The following CACNG5 variants were observed in gnomAD, a reference collection of about 807,000 sequenced individuals.
CACNG5 encodes the protein calcium voltage-gated channel auxiliary subunit gamma 5.
In CACNG5, 18 loss-of-function variants were observed where a neutral mutation model predicts 24.8. That is an observed-to-expected ratio of 0.73 (90% CI 0.50 to 1.08). CACNG5 has a LOEUF of 1.08. CACNG5 is among the 50% of genes least tolerant of loss of function. The probability of loss-of-function intolerance (pLI) is 0.00; values close to 1 mark genes in which losing one functional copy is unlikely to be tolerated. For missense variants in CACNG5, 349 were observed against 367.9 expected (o/e 0.95, Z 0.42); for synonymous variants, 157 against 149.1 (o/e 1.05, Z -0.39).
intron 3 of CACNG5, among the ~76,000 whole-genome samples, chr17:66,879,649 A>C (rs971165683): frequency 1.3e-4 from 20 of 152,250 alleles, no homozygotes; most frequent in African/African-American, 4.3e-4. Context: ...AGATGAAGAG[A>C]CACATAGGGC....
In CACNG5 at chr17:66,861,421, A is replaced by G. The variant is rs528221346; in HGVS notation, c.-103-15809A>G. Among the ~76,000 whole-genome samples the G allele has an allele frequency of 2.6e-5, 4 of 152,352 alleles. No individual in the cohort carries two copies. The East Asian group carries it at 7.7e-4, about 29-fold the overall frequency. On this transcript the variant is annotated intron_variant, in intron 1 of 5. Transcript: ENST00000533854. Reference sequence around the variant, plus strand: ...TGCCATTGTTATCCCTGTTTTAATCATAGTGCCTACTGCAAAGCGTTGTTG... The same window carrying G: ...TGCCATTGTTATCCCTGTTTTAATCGTAGTGCCTACTGCAAAGCGTTGTTG...
chr17:66,839,864 G>A lies in CACNG5; in HGVS notation c.-104+4614G>A, dbSNP rs77738896. Among the ~76,000 whole-genome samples the A allele has an allele frequency of 7.0e-3, 1,066 of 152,292 alleles. 15 individuals carry two copies. The highest frequency in any genetic ancestry group is 0.024 in the African/African-American group (1,009 of 41,556). ...TGCACTGAAGTCCTGTCGGGTAAGT[G>A]TTATTCCTTTTCTTGATTGCTCAAC... is the stretch of plus-strand genomic sequence containing the variant. On this transcript the variant is annotated intron_variant, in intron 1 of 5. Coordinates refer to ENST00000533854, the MANE Select transcript of CACNG5 (RefSeq NM_145811.3).
At chr17:66,849,417 T>C (rs117252662) in intron 1 of CACNG5, among the ~76,000 whole-genome samples, 1,667 of 152,220 alleles carry the variant, frequency 0.011, 12 homozygotes, top group Non-Finnish European at 0.017. Context: ...AAGGCAGCAG[T>C]GTTCCCACCC....
At chr17:66,873,559 A>G (rs1223718260) in intron 1 of CACNG5, among the ~76,000 whole-genome samples, 1 of 152,228 alleles carries the variant, frequency 6.6e-6, no homozygotes, top group East Asian at 1.9e-4. Context: ...AGCTTCGACC[A>G]GGCAACAGCA....
intron 1 of CACNG5, among the ~76,000 whole-genome samples, chr17:66,869,114 C>T (rs1158930993): frequency 1.3e-5 from 2 of 152,016 alleles, no homozygotes; most frequent in African/African-American, 2.4e-5. Flanking sequence ...GATGGAGTCT[C>T]GCTCTGTCAT....
intron 1 of CACNG5, among the ~76,000 whole-genome samples, chr17:66,863,558 G>T (rs1330375170): frequency 1.3e-5 from 2 of 152,054 alleles, no homozygotes; most frequent in Non-Finnish European, 2.9e-5. Flanking sequence ...GTAGAGTCAA[G>T]GTTTCACCAT....
At chr17:66,848,563 T>A (rs887242448) in intron 1 of CACNG5, among the ~76,000 whole-genome samples, 1 of 152,226 alleles carries the variant, frequency 6.6e-6, no homozygotes, top group Non-Finnish European at 1.5e-5. Flanking sequence ...GACTAAAGTG[T>A]TACTGGCTGA....
chr17:66,875,793 G>T lies in CACNG5; in HGVS notation c.-103-1437G>T, dbSNP rs1458016092. 1.3e-5 allele frequency among the ~76,000 whole-genome samples: 2 copies of T among 152,192 alleles called. 1 individual carries two copies. The highest frequency in any genetic ancestry group is 2.9e-5 in the Non-Finnish European group (2 of 68,042). The stretch of plus-strand genomic sequence containing the variant: ...AAGTTCTGACTTTGCAATATTGCAA[G>T]GTGCCAGTGAAAGATGCCGACAGGA... On this transcript the variant is annotated intron_variant, in intron 1 of 5. Transcript: ENST00000533854.
At chr17:66,875,226 C>A (rs1555657392) in intron 1 of CACNG5, among the ~76,000 whole-genome samples, 1 of 152,144 alleles carries the variant, frequency 6.6e-6, no homozygotes, top group Non-Finnish European at 1.5e-5. Context: ...GATACTCATG[C>A]TAGATACAAA....
chr17:66,881,030 T>C (rs3744296), intron 4 of CACNG5, among the ~76,000 whole-genome samples: 19,345 of 152,278 alleles, frequency 0.13, 1,232 homozygotes, highest in African/African-American at 0.16. Context: ...TGAGCCACTG[T>C]GCCCAGCCAC....
Position 66,886,775 on chromosome 17 carries a change from G to A in CACNG5, c.*1535G>A, listed in dbSNP as rs78639379. ...CGCAATGAACTACCACAGACTGAGT[G>A]GCTTAAATAACGCACATGAATTTTC... On this transcript the variant is annotated 3_prime_UTR_variant, in exon 6 of 6. Coordinates refer to ENST00000533854, the MANE Select transcript of CACNG5 (RefSeq NM_145811.3). Among the ~76,000 whole-genome samples, 7,617 of 152,224 alleles carry A rather than the reference G, an allele frequency of 0.05. 634 individuals carry two copies. The highest frequency in any genetic ancestry group is 0.17 in the African/African-American group (7,228 of 41,514).
At chr17:66,835,793 C>T (rs949470467) in intron 1 of CACNG5, among the ~76,000 whole-genome samples, 1 of 152,010 alleles carries the variant, frequency 6.6e-6, no homozygotes, top group Non-Finnish European at 1.5e-5. Context: ...TGCCAGGAGC[C>T]ACTGAGCAGA....
At chr17:66,875,453 A>G (rs1434383848) in intron 1 of CACNG5, among the ~76,000 whole-genome samples, 1 of 152,162 alleles carries the variant, frequency 6.6e-6, no homozygotes, top group Non-Finnish European at 1.5e-5. Context: ...AGATCAATCA[A>G]CTTTCCCATG....
At chr17:66,847,714 C>T (rs1976655716) in intron 1 of CACNG5, among the ~76,000 whole-genome samples, 1 of 152,254 alleles carries the variant, frequency 6.6e-6, no homozygotes. Flanking sequence ...AGTCATGGCC[C>T]TAGGAGACAG....
chr17:66,869,938 C>T (rs1003316296), intron 1 of CACNG5, among the ~76,000 whole-genome samples: 1 of 151,934 alleles, frequency 6.6e-6, no homozygotes, highest in African/African-American at 2.4e-5. Context: ...AAAAACTTAG[C>T]GGGGCGTGGT....
intron 1 of CACNG5, among the ~76,000 whole-genome samples, chr17:66,846,664 A>G (rs1055322225): frequency 6.6e-6 from 1 of 152,190 alleles, no homozygotes; most frequent in Non-Finnish European, 1.5e-5. Flanking sequence ...AATGCATGCT[A>G]CCACACGAAT....
chr17:66,857,653 A>G (rs1304324996), intron 1 of CACNG5, among the ~76,000 whole-genome samples: 3 of 152,138 alleles, frequency 2.0e-5, no homozygotes, highest in African/African-American at 7.2e-5. Context: ...GTGCCCAAGA[A>G]CCACCTGTGG....
At chr17:66,873,916 T>G (rs989515389) in intron 1 of CACNG5, among the ~76,000 whole-genome samples, 1 of 147,016 alleles carries the variant, frequency 6.8e-6, no homozygotes, top group Non-Finnish European at 1.5e-5. Flanking sequence ...AAGAGCTAGG[T>G]GCAGTGCTTC....
intron 4 of CACNG5, among the ~76,000 whole-genome samples, chr17:66,884,189 G>A (rs1178898060): frequency 6.6e-6 from 1 of 151,956 alleles, no homozygotes; most frequent in East Asian, 1.9e-4. Flanking sequence ...CCCATCCCAG[G>A]CCAGGTGTAT....
Sources: allele counts gnomAD v4.1 joint callset (sites outside exome capture counted in the v4.1 genomes callset), GRCh38; gene constraint gnomAD v4.1.1; transcripts MANE v1.5; gene names NCBI Gene and HGNC (gene_info 2026-07-23, HGNC 2026-07-21).